PLAC1: variants seen among roughly 807,000 people sequenced by gnomAD.
PLAC1 encodes the protein placenta-specific protein 1.
For missense variants in PLAC1, 136 were observed against 163.2 expected, an observed-to-expected ratio of 0.83 and a Z score of 0.91; for synonymous variants, 68 against 62.1, an observed-to-expected ratio of 1.09 and a Z score of -0.44.
chrX:134,764,046 T>C (rs1177130177), intron 1 of PLAC1, among the ~76,000 whole-genome samples: 1 of 111,521 alleles, frequency 9.0e-6, no homozygotes, highest in Admixed American at 9.5e-5. Context: ...ATTTGGGCCA[T>C]ATCTGGCTAT....
chrX:134,729,727 C>T (rs2078683253), intron 2 of PLAC1, among the ~76,000 whole-genome samples: 1 of 112,079 alleles, frequency 8.9e-6, no homozygotes, highest in South Asian at 3.7e-4. Flanking sequence ...AGCATATGAG[C>T]CATTATGATA....
At chrX:134,673,210 G>A (rs1312089825) in intron 2 of PLAC1, among the ~76,000 whole-genome samples, 2 of 107,982 alleles carry the variant, frequency 1.9e-5, no homozygotes, top group Non-Finnish European at 3.8e-5. Flanking sequence ...AGGAAAGAGG[G>A]AGGGAGGAGA....
At chrX:134,577,517 C>A (rs1017920235) in intron 2 of PLAC1, among the ~76,000 whole-genome samples, 1 of 111,385 alleles carries the variant, frequency 9.0e-6, no homozygotes, top group African/African-American at 3.3e-5. Flanking sequence ...GGTGAAGCCC[C>A]GTCTCCACTA....
chrX:134,728,925 A>G (rs1459982566), intron 2 of PLAC1, among the ~76,000 whole-genome samples: 1 of 110,886 alleles, frequency 9.0e-6, no homozygotes, highest in East Asian at 2.8e-4. Context: ...CCAACATCAC[A>G]CCTCAGTCAG....
At chrX:134,577,558 G>A (rs1602791518) in intron 2 of PLAC1, among the ~76,000 whole-genome samples, 1 of 111,656 alleles carries the variant, frequency 9.0e-6, no homozygotes, top group African/African-American at 3.3e-5. Flanking sequence ...GCGTGGTGGC[G>A]CATGCCTGTA....
intron 2 of PLAC1, chrX:134,601,445 T>A (rs557149626): frequency 9.0e-6 from 1 of 111,553 alleles, no homozygotes; most frequent in Non-Finnish European, 1.9e-5. Flanking sequence ...TGTGGGAGAG[T>A]TGTACCAATT....
At chrX:134,598,899 G>A (rs940910443) in intron 2 of PLAC1, among the ~76,000 whole-genome samples, 1 of 111,620 alleles carries the variant, frequency 9.0e-6, no homozygotes, top group Non-Finnish European at 1.9e-5. Context: ...CAAGTACACA[G>A]TAAGTATTTG....
intron 2 of PLAC1, among the ~76,000 whole-genome samples, chrX:134,718,939 G>T (rs1291400044): frequency 8.9e-6 from 1 of 111,781 alleles, no homozygotes; most frequent in Non-Finnish European, 1.9e-5. Flanking sequence ...CTGCTGACTG[G>T]CTGCTGACTG....
chrX:134,589,923 C>T (rs748091894), intron 2 of PLAC1, among the ~76,000 whole-genome samples: 67 of 110,731 alleles, frequency 6.1e-4, no homozygotes, highest in East Asian at 2.6e-3. Context: ...GGGCCGGGCG[C>T]GGTGGCTCAC....
chrX:134,590,056 G>A lies in PLAC1; in HGVS notation c.-59+11995C>T, dbSNP rs1045235865. ...TAAAAATACAAAAAATTAGCCGGGC[G>A]TGGTGGTACGTGCCTGTAGTCCCAG... On this transcript the variant is annotated intron_variant, in intron 2 of 2. Transcript: ENST00000359237. Among the ~76,000 whole-genome samples the A allele has an allele frequency of 7.3e-5, 8 of 109,668 alleles. No homozygotes were observed. In the East Asian group the frequency reaches 1.4e-3, roughly 20 times the overall value.
intron 2 of PLAC1, among the ~76,000 whole-genome samples, chrX:134,569,083 C>T (rs962392974): frequency 9.0e-6 from 1 of 111,331 alleles, no homozygotes; most frequent in Non-Finnish European, 1.9e-5. Flanking sequence ...TGTTTTTGTT[C>T]AAACCCCAAA....
chrX:134,756,278 A>G (rs1463468502), intron 1 of PLAC1, among the ~76,000 whole-genome samples: 3 of 110,088 alleles, frequency 2.7e-5, no homozygotes, highest in Non-Finnish European at 5.7e-5. Context: ...CATATTTTAA[A>G]AGGCTTTCCC....
intron 1 of PLAC1, among the ~76,000 whole-genome samples, chrX:134,753,826 C>T (rs2078750314): frequency 2.7e-5 from 3 of 111,866 alleles, no homozygotes; most frequent in Admixed American, 9.5e-5. Context: ...TCCACACTGA[C>T]ATCTGCAGGT....
Position 134,566,442 on chromosome X carries a change from C to A in PLAC1, c.241G>T (p.Gly81Cys). The A allele has an allele frequency of 8.3e-7, 1 of 1,211,913 alleles. No individual in the cohort carries two copies. Among genetic ancestry groups the A allele is most frequent in the Non-Finnish European group, 1.1e-6 (1 of 895,520 alleles). ...TGAGAGACAGCTTTGGCCCTGATGC[C>A]ACATTCAGTAACACGGTAGGTGAAC... is the stretch of plus-strand genomic sequence containing the variant. ...YQFTYRVTEC[G>C]IRAKAVSQDM... Residue 81 changes from glycine to cysteine, a missense_variant, in exon 3 of 3, where the codon GGC becomes TGC. Coordinates refer to ENST00000359237, the MANE Select transcript of PLAC1 (RefSeq NM_021796.4).
upstream of PLAC1, among the ~76,000 whole-genome samples, chrX:134,662,668 G>A (rs139207669): frequency 3.3e-3 from 372 of 112,617 alleles, 2 homozygotes; most frequent in Middle Eastern, 9.2e-3. Context: ...AGTGGCTCAT[G>A]CCTGTAATCT....
intron 1 of PLAC1, among the ~76,000 whole-genome samples, chrX:134,736,288 G>A (rs990054556): frequency 2.7e-5 from 3 of 109,363 alleles, no homozygotes; most frequent in Non-Finnish European, 5.8e-5. Context: ...AAAAAAAAAA[G>A]AAGAAGAAGA....
intron 2 of PLAC1, among the ~76,000 whole-genome samples, chrX:134,674,072 T>G (rs5933446): frequency 1.8e-5 from 2 of 111,284 alleles, no homozygotes; most frequent in Non-Finnish European, 3.8e-5. Flanking sequence ...AAACACAAGA[T>G]GGCCTACTTG....
intron 2 of PLAC1, among the ~76,000 whole-genome samples, chrX:134,586,875 T>TGTGTGTGTGTGTGTGTGTG (rs2078005188): frequency 3.4e-5 from 1 of 29,546 alleles, no homozygotes; most frequent in African/African-American, 8.1e-5. Context: ...GTGTGTGTGT[T>TGTGTGTGTGTGTGTGTGTG]TGGTAGAGAT....
intron 1 of PLAC1, among the ~76,000 whole-genome samples, chrX:134,604,830 C>T (rs2078114826): frequency 9.0e-6 from 1 of 111,522 alleles, no homozygotes; most frequent in Non-Finnish European, 1.9e-5. Flanking sequence ...GGAAACAACA[C>T]TGCCCTTTGT....
Sources: gnomAD v4.1 joint callset for allele counts (sites outside exome capture counted in the v4.1 genomes callset) on GRCh38, gnomAD v4.1.1 for gene constraint, MANE v1.5 for transcripts, NCBI Gene and HGNC (gene_info 2026-07-23, HGNC 2026-07-21) for gene names.